FFAR2: variants seen among roughly 807,000 people sequenced by gnomAD.
FFAR2 encodes the protein free fatty acid receptor 2, also known as G-protein coupled receptor 43.
For missense variants in FFAR2, 421 were observed against 428.9 expected (o/e 0.98, Z 0.16); for synonymous variants, 193 against 189.9 (o/e 1.02, Z -0.13).
chr19:35,448,820 T>A (rs1599742535), intron 1 of FFAR2, among the ~76,000 whole-genome samples: 1 of 138,070 alleles, frequency 7.2e-6, no homozygotes, highest in East Asian at 2.0e-4. Flanking sequence ...TTTTTTTTTT[T>A]AGACGGAGTT....
Position 35,450,647 on chromosome 19 carries a change from T to C in FFAR2, c.933T>C (p.Asn311=), listed in dbSNP as rs577403485. Reference sequence around the variant, plus strand: ...GCAAAGACACAGCAGAGGGGACAAATGAGGACAGGGGTGTGGGTCAAGGAG... The same window carrying C: ...GCAAAGACACAGCAGAGGGGACAAACGAGGACAGGGGTGTGGGTCAAGGAG... ...RRGKDTAEGT[N]EDRGVGQGEG... is the part of the protein sequence containing the mutation. The change falls in exon 2 of 2, where the codon AAT becomes AAC. Residue 311 remains asparagine, a synonymous_variant. Transcript: ENST00000599180. 3 of 1,614,108 alleles carry C rather than the reference T, an allele frequency of 1.9e-6. No homozygotes were observed. The Admixed American group carries it at 5.0e-5, about 27-fold the overall frequency.
At position 35,450,252 on chromosome 19, in the gene FFAR2, C is replaced by G. The variant is rs760791071; in HGVS notation, c.538C>G (p.Arg180Gly). ...DNQLDVVLPVRLELCLVLFFI... is the reference protein window; with the variant it reads ...DNQLDVVLPVGLELCLVLFFI... ...CCAGTTGGACGTGGTGCTGCCCGTG[C>G]GGCTGGAGCTGTGCCTGGTGCTCTT... Residue 180 changes from arginine to glycine, a missense_variant, in exon 2 of 2, where the codon CGG becomes GGG. Physicochemically the swap from Arg to Gly is moderately radical, Grantham distance 125. Transcript: ENST00000599180. 6.2e-7 allele frequency: 1 copy of G among 1,614,024 alleles called. No homozygotes were observed. Among genetic ancestry groups the G allele is most frequent in the Admixed American group, 1.7e-5 (1 of 60,008 alleles).
At chr19:35,448,905 C>T (rs551664403) in intron 1 of FFAR2, among the ~76,000 whole-genome samples, 5 of 151,122 alleles carry the variant, frequency 3.3e-5, no homozygotes, top group African/African-American at 7.3e-5. Flanking sequence ...CCGGTTCAAG[C>T]GATTCTCCTG....
At position 35,450,106 on chromosome 19, in the gene FFAR2, T is replaced by C. The variant is rs750437798; in HGVS notation, c.392T>C (p.Leu131Pro). 3.1e-6 allele frequency: 5 copies of C among 1,614,122 alleles called. No individual in the cohort carries two copies. The highest frequency in any genetic ancestry group is 3.4e-6 in the Non-Finnish European group (4 of 1,180,042). Reference sequence around the variant, plus strand: ...CCTCTGTATGGAGTGATTGCAGCTCTGGTGGCCTGGGTTATGTCCTTTGGT... The same window carrying C: ...CCTCTGTATGGAGTGATTGCAGCTCCGGTGGCCTGGGTTATGTCCTTTGGT... ...RRPLYGVIAA[L>P]VAWVMSFGHC... Residue 131 changes from leucine (L) to proline (P), a missense_variant, in exon 2 of 2, where the codon CTG becomes CCG. By Grantham distance (98) the Leu-to-Pro change is moderately conservative. Coordinates refer to ENST00000599180, the MANE Select transcript of FFAR2 (RefSeq NM_001370087.1).
chr19:35,450,536 T>C lies in FFAR2; in HGVS notation c.822T>C (p.Tyr274=). Residue 274 remains tyrosine, a synonymous_variant, in exon 2 of 2, where the codon TAT becomes TAC. Coordinates refer to ENST00000599180, the MANE Select transcript of FFAR2 (RefSeq NM_001370087.1). The part of the protein sequence containing the change: ...LNASLDPLLF[Y]FSSSVVRRAF... ...CCAGTCTGGACCCCCTGCTCTTCTA[T>C]TTCTCTTCTTCAGTGGTGCGCAGGG... 5.0e-6 allele frequency: 8 copies of C among 1,614,198 alleles called. No individual in the cohort carries two copies. The highest frequency in any genetic ancestry group is 5.9e-6 in the Non-Finnish European group (7 of 1,180,030).
In FFAR2 at chr19:35,450,005, G is replaced by A. The variant is rs762545659; in HGVS notation, c.291G>A (p.Thr97=). ...TCTACAGCAGCATCTACTGCAGCAC[G>A]TGGCTCCTGGCGGGCATCAGCATCG... ...FGFYSSIYCS[T]WLLAGISIER... Residue 97 remains threonine, a synonymous_variant, in exon 2 of 2, where the codon ACG becomes ACA. Transcript: ENST00000599180. The A allele has an allele frequency of 1.7e-5, 28 of 1,614,180 alleles. No homozygotes were observed. The East Asian group carries it at 4.2e-4, about 24-fold the overall frequency.
Position 35,450,119 on chromosome 19 carries a change from T to G in FFAR2, c.405T>G (p.Val135=). ...YGVIAALVAW[V]MSFGHCTIVI... ...TGATTGCAGCTCTGGTGGCCTGGGT[T>G]ATGTCCTTTGGTCACTGCACCATCG... The change falls in exon 2 of 2, where the codon GTT becomes GTG. Residue 135 remains valine, a synonymous_variant. Coordinates refer to ENST00000599180, the MANE Select transcript of FFAR2 (RefSeq NM_001370087.1). 1 of 1,614,200 alleles carries G rather than the reference T, an allele frequency of 6.2e-7. No individual in the cohort carries two copies. Among genetic ancestry groups the G allele is most frequent in the Non-Finnish European group, 8.5e-7 (1 of 1,180,036 alleles).
At position 35,450,567 on chromosome 19, in the gene FFAR2, G is replaced by C. The variant is rs767782362; in HGVS notation, c.853G>C (p.Gly285Arg). ...TTCTTCAGTGGTGCGCAGGGCATTT[G>C]GGAGAGGGCTGCAGGTGCTGCGGAA... ...FSSSVVRRAF[G>R]RGLQVLRNQG... is the part of the protein sequence containing the mutation. Residue 285 changes from glycine to arginine, a missense_variant, in exon 2 of 2, where the codon GGG becomes CGG. By Grantham distance (125) the Gly-to-Arg change is moderately radical (BLOSUM62 -2). Transcript: ENST00000599180. 9.3e-6 allele frequency: 15 copies of C among 1,614,226 alleles called. No homozygotes were observed. The highest frequency in any genetic ancestry group is 1.3e-5 in the Non-Finnish European group (15 of 1,180,036).
rs921191476 is a variant in FFAR2 at position 35,450,576 on chromosome 19, C to T, written c.862C>T (p.Leu288=). 1.2e-6 allele frequency: 2 copies of T among 1,614,086 alleles called. No homozygotes were observed. Among genetic ancestry groups the T allele is most frequent in the African/African-American group, 2.7e-5 (2 of 74,924 alleles). Residue 288 remains leucine, a synonymous_variant, in exon 2 of 2, where the codon CTG becomes TTG. Coordinates refer to ENST00000599180, the MANE Select transcript of FFAR2 (RefSeq NM_001370087.1). ...GGTGCGCAGGGCATTTGGGAGAGGG[C>T]TGCAGGTGCTGCGGAATCAGGGCTC... ...SVVRRAFGRG[L]QVLRNQGSSL...
Position 35,450,217 on chromosome 19 carries a change from T to A in FFAR2, c.503T>A (p.Phe168Tyr), listed in dbSNP as rs560626864. 3 of 1,614,162 alleles carry A rather than the reference T, an allele frequency of 1.9e-6. No individual in the cohort carries two copies. The South Asian group carries it at 3.3e-5, about 18-fold the overall frequency. The change falls in exon 2 of 2, where the codon TTC becomes TAC. Residue 168 changes from phenylalanine (F) to tyrosine (Y), a missense_variant. Coordinates refer to ENST00000599180, the MANE Select transcript of FFAR2 (RefSeq NM_001370087.1). ...AATGAAATTACCTGCTACGAGAACT[T>A]CACCGATAACCAGTTGGACGTGGTG... ...SGNEITCYEN[F>Y]TDNQLDVVLP...
chr19:35,450,236 C>A lies in FFAR2; in HGVS notation c.522C>A (p.Asp174Glu). Reference protein sequence around the residue: ...CYENFTDNQLDVVLPVRLELC... With the variant: ...CYENFTDNQLEVVLPVRLELC... The stretch of plus-strand genomic sequence containing the variant: ...AGAACTTCACCGATAACCAGTTGGA[C>A]GTGGTGCTGCCCGTGCGGCTGGAGC... Residue 174 changes from aspartate to glutamate, a missense_variant, in exon 2 of 2, where the codon GAC becomes GAA. Physicochemically the swap from Asp to Glu is conservative, Grantham distance 45. Transcript: ENST00000599180. 1 of 1,614,198 alleles carries A rather than the reference C, an allele frequency of 6.2e-7. No homozygotes were observed. The highest frequency in any genetic ancestry group is 8.5e-7 in the Non-Finnish European group (1 of 1,180,046).
Position 35,450,446 on chromosome 19 carries a change from G to A in FFAR2, c.732G>A (p.Val244=). The A allele has an allele frequency of 4.3e-6, 7 of 1,614,268 alleles. No homozygotes were observed. The highest frequency in any genetic ancestry group is 5.9e-6 in the Non-Finnish European group (7 of 1,180,046). The change falls in exon 2 of 2, where the codon GTG becomes GTA. Residue 244 remains valine (V), a synonymous_variant. Transcript: ENST00000599180. ...GACCTTACAACGTGTCCCACCTGGT[G>A]GGGTATCACCAGAGAAAAAGCCCCT... is the stretch of plus-strand genomic sequence containing the variant. The part of the protein sequence containing the change: ...CFGPYNVSHL[V]GYHQRKSPWW...
chr19:35,450,811 C>G lies in FFAR2; in HGVS notation c.*104C>G. ...CCATCCAGATTCAGAAATCCTTAGACCCAGCCCAGGACTGCGACTTTGAAA... is the reference window on the plus strand; with the variant it reads ...CCATCCAGATTCAGAAATCCTTAGAGCCAGCCCAGGACTGCGACTTTGAAA... On this transcript the variant is annotated 3_prime_UTR_variant, in exon 2 of 2. Transcript: ENST00000599180. The G allele has an allele frequency of 7.8e-7, 1 of 1,275,452 alleles. No individual in the cohort carries two copies. The highest frequency in any genetic ancestry group is 1.5e-5 in the South Asian group (1 of 66,346). 79.0% of individuals were successfully genotyped at this position (1,275,452 alleles called of 1,614,324 possible).
rs2067376634 is a variant in FFAR2 at position 35,450,684 on chromosome 19, A to G, written c.970A>G (p.Ser324Gly). 1 of 1,613,938 alleles carries G rather than the reference A, an allele frequency of 6.2e-7. No homozygotes were observed. Among genetic ancestry groups the G allele is most frequent in the Non-Finnish European group, 8.5e-7 (1 of 1,179,842 alleles). ...RGVGQGEGMP[S>G]SDFTTE ...TGTGGGTCAAGGAGAAGGGATGCCA[A>G]GTTCGGACTTCACTACAGAGTAGCA... The change falls in exon 2 of 2, where the codon AGT (serine) becomes GGT (glycine). Residue 324 changes from serine to glycine, a missense_variant. Ser to Gly is a moderately conservative substitution (Grantham distance 56). Transcript: ENST00000599180.
chr19:35,449,605 C>T, intron 1 of FFAR2, 109 bp from the exon 2 acceptor site: 1 of 1,207,924 alleles, frequency 8.3e-7, no homozygotes. Flanking sequence ...AAAGCACAGT[C>T]CTGGGAAGGG....
Position 35,450,789 on chromosome 19 carries a change from TC to T in FFAR2, c.*84del. Reference sequence around the variant, plus strand: ...GAGAGGCGGAGCAGGAAGGCTCCCATCCAGATTCAGAAATCCTTAGACCCAG... The same window carrying T: ...GAGAGGCGGAGCAGGAAGGCTCCCATCAGATTCAGAAATCCTTAGACCCAG... On this transcript the variant is annotated 3_prime_UTR_variant, in exon 2 of 2. Coordinates refer to ENST00000599180, the MANE Select transcript of FFAR2 (RefSeq NM_001370087.1). The T allele has an allele frequency of 7.0e-7, 1 of 1,430,088 alleles. No individual in the cohort carries two copies. Among genetic ancestry groups the T allele is most frequent in the Non-Finnish European group, 9.4e-7 (1 of 1,062,908 alleles). 88.6% of individuals were successfully genotyped at this position (1,430,088 alleles called of 1,614,324 possible).
At position 35,450,689 on chromosome 19, in the gene FFAR2, G is replaced by A. The variant is rs115827407; in HGVS notation, c.975G>A (p.Ser325=). ...GVGQGEGMPS[S]DFTTE The stretch of plus-strand genomic sequence containing the variant: ...GTCAAGGAGAAGGGATGCCAAGTTC[G>A]GACTTCACTACAGAGTAGCAGTTTC... Residue 325 remains serine, a synonymous_variant, in exon 2 of 2, where the codon TCG becomes TCA. Coordinates refer to ENST00000599180, the MANE Select transcript of FFAR2 (RefSeq NM_001370087.1). 750 of 1,613,682 alleles carry A rather than the reference G, an allele frequency of 4.6e-4. 5 individuals are homozygous for A. The African/African-American group carries it at 8.1e-3, about 18-fold the overall frequency.
At chr19:35,449,686 G>T in intron 1 of FFAR2, 28 bp from the exon 2 acceptor site, 1 of 1,528,186 alleles carries the variant, frequency 6.5e-7, no homozygotes, top group Non-Finnish European at 8.8e-7. Context: ...AGACCTCCCT[G>T]ACCCCGCCCT....
In FFAR2 at chr19:35,450,979, T is replaced by C; in HGVS notation, c.*272T>C. On this transcript the variant is annotated 3_prime_UTR_variant, in exon 2 of 2. Coordinates refer to ENST00000599180, the MANE Select transcript of FFAR2 (RefSeq NM_001370087.1). ...GCTCATGCCTATAATCCCAGAACTT[T>C]GGGAGGCTGAGGCAGGTGGATCACT... The C allele has an allele frequency of 2.8e-6, 1 of 352,414 alleles. No homozygotes were observed. Among genetic ancestry groups the C allele is most frequent in the Non-Finnish European group, 5.2e-6 (1 of 191,100 alleles). The allele number at this position is 352,414 out of a possible 1,614,324, so 21.8% of individuals were successfully genotyped here.
Sources: gnomAD v4.1 joint callset for allele counts (sites outside exome capture counted in the v4.1 genomes callset) on GRCh38, gnomAD v4.1.1 for gene constraint, MANE v1.5 for transcripts, NCBI Gene and HGNC (gene_info 2026-07-23, HGNC 2026-07-21) for gene names.